FHIT: variants seen among roughly 807,000 people sequenced by gnomAD.
FHIT encodes fragile histidine triad diadenosine triphosphatase, also known as bis(5'-adenosyl)-triphosphatase.
Under a neutral mutation model 17.9 loss-of-function variants are expected in FHIT, and 19 were observed. The observed-to-expected ratio is 1.06, with a 90% CI of 0.74 to 1.56. The LOEUF (loss-of-function observed/expected upper bound fraction) is 1.56, where lower values mean the gene tolerates loss of function less well. FHIT is among the 40% of genes most tolerant of loss of function. The pLI is 0.00. For missense variants in FHIT, 248 were observed against 189.2 expected, an observed-to-expected ratio of 1.31 and a Z score of -1.82; for synonymous variants, 81 against 69.7, an observed-to-expected ratio of 1.16 and a Z score of -0.81.
chr3:60,267,914 G>A (rs1576394707), intron 5 of FHIT, among the ~76,000 whole-genome samples: 1 of 152,104 alleles, frequency 6.6e-6, no homozygotes, highest in Non-Finnish European at 1.5e-5. Context: ...CATATTTGAA[G>A]GACATTTTTA....
At chr3:59,969,499 C>T (rs1708081013) in intron 7 of FHIT, among the ~76,000 whole-genome samples, 1 of 152,084 alleles carries the variant, frequency 6.6e-6, no homozygotes, top group Non-Finnish European at 1.5e-5. Flanking sequence ...CAGTGTTCTG[C>T]TCTCTCTGAA....
At chr3:60,988,736 T>A (rs1283820204) in intron 3 of FHIT, among the ~76,000 whole-genome samples, 1 of 152,108 alleles carries the variant, frequency 6.6e-6, no homozygotes, top group Admixed American at 6.5e-5. Context: ...GGTGATATAT[T>A]TGTTTGAGCT....
At chr3:60,941,625 G>C (rs1317654498) in intron 3 of FHIT, among the ~76,000 whole-genome samples, 2 of 152,150 alleles carry the variant, frequency 1.3e-5, no homozygotes, top group Non-Finnish European at 2.9e-5. Flanking sequence ...ATAAAGCAAA[G>C]AGAAAATTTG....
chr3:61,228,179 T>A (rs1460202358), intron 1 of FHIT, among the ~76,000 whole-genome samples: 82 of 147,518 alleles, frequency 5.6e-4, no homozygotes, highest in East Asian at 1.2e-3. Context: ...AAAAATAATT[T>A]AAAAAAAAAA....
intron 7 of FHIT, among the ~76,000 whole-genome samples, chr3:59,924,817 C>G (rs1021101407): frequency 6.6e-6 from 1 of 152,186 alleles, no homozygotes; most frequent in African/African-American, 2.4e-5. Context: ...TATTAAAATG[C>G]AGACTGCAGG....
intron 5 of FHIT, among the ~76,000 whole-genome samples, chr3:60,262,444 G>C (rs1358015091): frequency 1.3e-5 from 2 of 151,874 alleles, no homozygotes; most frequent in Non-Finnish European, 2.9e-5. Flanking sequence ...GAAAATTAAA[G>C]GCAAAACATC....
intron 8 of FHIT, chr3:59,886,176 C>T (rs1211773634): frequency 6.6e-6 from 1 of 152,216 alleles, no homozygotes; most frequent in Non-Finnish European, 1.5e-5. Flanking sequence ...CTCCACATTC[C>T]TATCATATGT....
At chr3:60,713,087 A>AC (rs2041584154) in intron 4 of FHIT, among the ~76,000 whole-genome samples, 1 of 152,250 alleles carries the variant, frequency 6.6e-6, no homozygotes, top group South Asian at 2.1e-4. Context: ...CTCTCAGACC[A>AC]CAGTGCAATC....
At chr3:60,158,753 T>C (rs1369465034) in intron 5 of FHIT, among the ~76,000 whole-genome samples, 3 of 152,162 alleles carry the variant, frequency 2.0e-5, no homozygotes, top group Non-Finnish European at 4.4e-5. Context: ...CTGTCTTCCC[T>C]TTAGAGATGT....
At position 60,763,765 on chromosome 3, in the gene FHIT, C is replaced by T. The variant is rs188080331; in HGVS notation, c.-18+58154G>A. Among the ~76,000 whole-genome samples the T allele has an allele frequency of 1.9e-3, 295 of 152,306 alleles. 2 individuals carry two copies. The highest frequency in any genetic ancestry group is 6.8e-3 in the Middle Eastern group (2 of 294). ...TATACACAAATCAAGACTCATATTA[C>T]AAGGCTGCTAGCTCTCTTGTCAGGG... On this transcript the variant is annotated intron_variant, in intron 4 of 9. Transcript: ENST00000492590.
At chr3:60,695,790 C>T (rs1029684902) in intron 4 of FHIT, among the ~76,000 whole-genome samples, 12 of 152,178 alleles carry the variant, frequency 7.9e-5, no homozygotes, top group African/African-American at 2.9e-4. Flanking sequence ...ACGTATTTAA[C>T]TTCTTTGTAC....
chr3:60,071,792 G>A (rs1283849523), intron 5 of FHIT, among the ~76,000 whole-genome samples: 1 of 152,206 alleles, frequency 6.6e-6, no homozygotes, highest in Non-Finnish European at 1.5e-5. Context: ...GATGGACCCG[G>A]TGAGAGGTAA....
intron 2 of FHIT, chr3:61,166,888 T>C (rs2037855358): frequency 6.6e-6 from 1 of 152,044 alleles, no homozygotes; most frequent in Non-Finnish European, 1.5e-5. Flanking sequence ...AATAAAAAAA[T>C]CAACAAATAA....
chr3:61,060,795 C>T (rs1374848163), intron 2 of FHIT, among the ~76,000 whole-genome samples: 2 of 152,214 alleles, frequency 1.3e-5, no homozygotes, highest in East Asian at 3.8e-4. Context: ...CTGTCAATGT[C>T]AATCAGTCAC....
chr3:59,797,093 C>A (rs771839439), intron 8 of FHIT, among the ~76,000 whole-genome samples: 3 of 151,988 alleles, frequency 2.0e-5, no homozygotes, highest in Non-Finnish European at 4.4e-5. Context: ...TTTTGGAAAT[C>A]ATCAAAAGAG....
chr3:60,205,807 G>A (rs1036923951), intron 5 of FHIT, among the ~76,000 whole-genome samples: 6 of 151,836 alleles, frequency 4.0e-5, no homozygotes, highest in Non-Finnish European at 8.8e-5. Flanking sequence ...CTTACTTTAT[G>A]TCTTAAAAAT....
At chr3:60,628,521 C>A (rs2039354250) in intron 4 of FHIT, among the ~76,000 whole-genome samples, 1 of 152,102 alleles carries the variant, frequency 6.6e-6, no homozygotes, top group East Asian at 1.9e-4. Flanking sequence ...TGAAAAATAC[C>A]CTAGAGGCAT....
chr3:61,250,206 A>T (rs770427092), intron 1 of FHIT, among the ~76,000 whole-genome samples: 7 of 152,212 alleles, frequency 4.6e-5, no homozygotes, highest in African/African-American at 7.2e-5. Flanking sequence ...GACGAGAAAC[A>T]AGAGGCGGGA....
At chr3:61,021,460 G>A (rs543248615) in intron 3 of FHIT, among the ~76,000 whole-genome samples, 277 of 142,254 alleles carry the variant, frequency 1.9e-3, no homozygotes, top group African/African-American at 6.1e-3. Flanking sequence ...TTAGCCGGGC[G>A]TAGCGGCGGG....
Sources: gnomAD v4.1 joint callset for allele counts (sites outside exome capture counted in the v4.1 genomes callset) on GRCh38, gnomAD v4.1.1 for gene constraint, MANE v1.5 for transcripts, NCBI Gene and HGNC (gene_info 2026-07-23, HGNC 2026-07-21) for gene names.